The following CHRDL1 variants were observed in gnomAD, a reference collection of about 807,000 sequenced individuals.
CHRDL1 encodes the protein chordin-like protein 1.
A neutral mutation model predicts 40.9 loss-of-function variants in CHRDL1; 19 were observed. The observed-to-expected ratio is 0.46, with a 90% CI of 0.32 to 0.68. The LOEUF (loss-of-function observed/expected upper bound fraction) is 0.68, where lower values mean the gene tolerates loss of function less well. CHRDL1 is among the 30% of genes least tolerant of loss of function. CHRDL1 has a pLI of 0.03. For missense variants in CHRDL1, 329 were observed against 352.1 expected (o/e 0.93, Z 0.53); for synonymous variants, 136 against 123.4 (o/e 1.10, Z -0.68).
At chrX:110,680,993 G>A (rs1239015042) in intron 10 of CHRDL1, among the ~76,000 whole-genome samples, 1 of 112,093 alleles carries the variant, frequency 8.9e-6, no homozygotes, top group Non-Finnish European at 1.9e-5. Context: ...CTGAATGAAT[G>A]GGTTTTCATG....
At chrX:110,778,492 C>T (rs921524887) in intron 2 of CHRDL1, among the ~76,000 whole-genome samples, 1 of 112,000 alleles carries the variant, frequency 8.9e-6, no homozygotes, top group African/African-American at 3.2e-5. Context: ...TCAACAAGCA[C>T]ATGAAAATGT....
chrX:110,725,457 T>C (rs983187267), intron 4 of CHRDL1, among the ~76,000 whole-genome samples: 12 of 103,496 alleles, frequency 1.2e-4, no homozygotes, highest in African/African-American at 4.5e-4. Context: ...CCACAGGCCT[T>C]TTTTTTTTTG....
At chrX:110,718,893 C>T (rs140834145) in intron 6 of CHRDL1, among the ~76,000 whole-genome samples, 2,616 of 111,476 alleles carry the variant, frequency 0.023, 74 homozygotes, top group African/African-American at 0.079. Context: ...AGGTTGTGTG[C>T]TGCAAAAGGA....
intron 10 of CHRDL1, among the ~76,000 whole-genome samples, 181 bp from the exon 11 acceptor site, chrX:110,679,606 T>C (rs1434264308): frequency 8.9e-6 from 1 of 112,198 alleles, no homozygotes; most frequent in Non-Finnish European, 1.9e-5. Context: ...TGACTCCATT[T>C]GTTTCCTTGG....
At chrX:110,773,168 T>C (rs1016372353) in intron 2 of CHRDL1, among the ~76,000 whole-genome samples, 21 of 112,497 alleles carry the variant, frequency 1.9e-4, no homozygotes, top group Admixed American at 1.2e-3. Flanking sequence ...GGTGGTAGTC[T>C]GTATTATTCA....
chrX:110,681,653 G>C lies in CHRDL1; in HGVS notation c.989-4C>G, dbSNP rs1374928663. The C allele has an allele frequency of 1.7e-6, 2 of 1,188,008 alleles. No individual in the cohort carries two copies. Among genetic ancestry groups the C allele is most frequent in the South Asian group, 3.7e-5 (2 of 53,588 alleles). On this transcript the variant is annotated splice_polypyrimidine_tract_variant and splice_region_variant and intron_variant, in intron 9 of 11. Transcript: ENST00000372042. ...AAGCTTTGGCCTGGAAGTTCTTCTG[G>C]AATCAGGAAGCAAGTAGAATTTTGT...
intron 4 of CHRDL1, among the ~76,000 whole-genome samples, chrX:110,743,669 A>G (rs1241132736): frequency 8.9e-6 from 1 of 112,027 alleles, no homozygotes; most frequent in Non-Finnish European, 1.9e-5. Context: ...AATAACATGA[A>G]AAAATTATCC....
intron 2 of CHRDL1, among the ~76,000 whole-genome samples, chrX:110,763,721 G>A (rs1388810014): frequency 2.7e-5 from 3 of 110,749 alleles, no homozygotes; most frequent in Non-Finnish European, 5.7e-5. Flanking sequence ...TATCTTTTTC[G>A]AATAATGACT....
rs181749721 is a variant in CHRDL1 at position 110,722,078 on chromosome X, A to T, written c.302-548T>A. Among the ~76,000 whole-genome samples the T allele has an allele frequency of 9.9e-5, 11 of 110,845 alleles. No homozygotes were observed. In the East Asian group the frequency reaches 2.9e-3, roughly 29 times the overall value. ...CATGGTGCGAGCTCTGCTCACTGCA[A>T]CCTCTGCCTCCTGGGTTCAAGCAAT... is the stretch of plus-strand genomic sequence containing the variant. On this transcript the variant is annotated intron_variant, in intron 4 of 11. Coordinates refer to ENST00000372042, the MANE Select transcript of CHRDL1 (RefSeq NM_001143981.2).
chrX:110,688,937 C>A, intron 8 of CHRDL1, 134 bp from the exon 9 acceptor site: 1 of 491,268 alleles, frequency 2.0e-6, no homozygotes, highest in Non-Finnish European at 3.4e-6. Flanking sequence ...GCTATGTTTA[C>A]CGAGTAGTAT....
At chrX:110,749,063 GA>G (rs1363393896) in intron 4 of CHRDL1, among the ~76,000 whole-genome samples, 2 of 111,168 alleles carry the variant, frequency 1.8e-5, no homozygotes, top group Non-Finnish European at 3.8e-5. Context: ...GGGAAACAAA[GA>G]AAGAAAACAA....
rs1169953668 is a variant in CHRDL1, at chrX:110,700,728, A to C, written c.542-7T>G. ...CATGACAGTTCTCCATCTCCTGTTT[A>C]TTAAAAAGAAATAAGGAGAAAATCA... On this transcript the variant is annotated splice_polypyrimidine_tract_variant and splice_region_variant and intron_variant, in intron 6 of 11. Transcript: ENST00000372042. The C allele has an allele frequency of 6.3e-6, 7 of 1,108,353 alleles. No homozygotes were observed. In the Admixed American group the frequency reaches 1.5e-4, roughly 24 times the overall value. The allele number at this position is 1,108,353 out of a possible 1,213,427, so 91.3% of individuals were successfully genotyped here.
chrX:110,697,445 T>G (rs1268239269), intron 7 of CHRDL1, among the ~76,000 whole-genome samples: 1 of 110,893 alleles, frequency 9.0e-6, no homozygotes, highest in Non-Finnish European at 1.9e-5. Flanking sequence ...TGCAAGTGAA[T>G]CTATAGTTAT....
At chrX:110,769,232 A>C (rs181744384) in intron 2 of CHRDL1, among the ~76,000 whole-genome samples, 13 of 112,001 alleles carry the variant, frequency 1.2e-4, no homozygotes, top group Non-Finnish European at 2.1e-4. Context: ...TTATCTTCTA[A>C]TCCCATCCTC....
intron 2 of CHRDL1, among the ~76,000 whole-genome samples, chrX:110,775,967 A>G (rs1370418843): frequency 9.0e-6 from 1 of 111,494 alleles, no homozygotes; most frequent in Non-Finnish European, 1.9e-5. Flanking sequence ...ACTTTTAGAT[A>G]ACACTATACC....
At chrX:110,767,142 C>A (rs747599204) in intron 2 of CHRDL1, among the ~76,000 whole-genome samples, 25 of 111,690 alleles carry the variant, frequency 2.2e-4, no homozygotes, top group Non-Finnish European at 1.9e-4. Flanking sequence ...ATCCAGTATC[C>A]CTTTATGATT....
chrX:110,709,444 G>C (rs527950579), intron 6 of CHRDL1, among the ~76,000 whole-genome samples: 2 of 112,324 alleles, frequency 1.8e-5, no homozygotes, highest in African/African-American at 6.5e-5. Flanking sequence ...CATTGAAAAG[G>C]AATCATTTCA....
At chrX:110,686,896 A>AAC (rs1250198561) in intron 9 of CHRDL1, among the ~76,000 whole-genome samples, 5 of 102,260 alleles carry the variant, frequency 4.9e-5, no homozygotes, top group Non-Finnish European at 9.8e-5. Context: ...AAAAACAAAA[A>AAC]ATAAAAAAAA....
intron 4 of CHRDL1, among the ~76,000 whole-genome samples, chrX:110,738,417 T>C (rs16986118): frequency 0.02 from 2,251 of 111,455 alleles, 59 homozygotes; most frequent in African/African-American, 0.069. Context: ...ACAAACAACA[T>C]ATATCATGAA....
Sources: gnomAD v4.1 joint callset for allele counts (sites outside exome capture counted in the v4.1 genomes callset) on GRCh38, gnomAD v4.1.1 for gene constraint, MANE v1.5 for transcripts, NCBI Gene and HGNC (gene_info 2026-07-23, HGNC 2026-07-21) for gene names.